The following FTO variants were observed in gnomAD, a reference collection of about 807,000 sequenced individuals.
The protein encoded by FTO is alpha-ketoglutarate-dependent dioxygenase FTO.
Under a neutral mutation model 63.9 loss-of-function variants are expected in FTO, and 47 were observed. That is an observed-to-expected ratio of 0.74 (90% CI 0.58 to 0.94). FTO has a LOEUF of 0.94. Ranked by LOEUF, FTO falls within the 40% of genes least tolerant of loss-of-function variation. FTO has a pLI of 0.00. For missense variants in FTO, 562 were observed against 618.1 expected (o/e 0.91, Z 0.96); for synonymous variants, 207 against 224.4 (o/e 0.92, Z 0.69).
rs147520815 is a variant in FTO at position 53,798,798 on chromosome 16, C to T, written c.46-11342C>T. ...GGCTAGAACCTTCAGTACAATCTGG[C>T]ATAGAGGGGGTGATGGGAAACATCC... On this transcript the variant is annotated intron_variant, in intron 1 of 8. Coordinates refer to ENST00000471389, the MANE Select transcript of FTO (RefSeq NM_001080432.3). Among the ~76,000 whole-genome samples the T allele has an allele frequency of 3.9e-3, 596 of 152,250 alleles. 3 individuals are homozygous for T. Among genetic ancestry groups the T allele is most frequent in the African/African-American group, 0.013 (560 of 41,558 alleles).
intron 7 of FTO, among the ~76,000 whole-genome samples, chr16:53,906,036 C>T (rs2081529231): frequency 6.6e-6 from 1 of 152,204 alleles, no homozygotes; most frequent in Admixed American, 6.5e-5. Context: ...AATTTCTCTG[C>T]ATTAGACTCT....
intron 8 of FTO, among the ~76,000 whole-genome samples, chr16:54,005,512 A>C (rs1457404516): frequency 6.6e-6 from 1 of 151,848 alleles, no homozygotes; most frequent in Non-Finnish European, 1.5e-5. Flanking sequence ...AATACATGTA[A>C]TACATATTAC....
intron 1 of FTO, among the ~76,000 whole-genome samples, chr16:53,777,446 C>T (rs1215564205): frequency 6.6e-6 from 1 of 152,118 alleles, no homozygotes; most frequent in Non-Finnish European, 1.5e-5. Context: ...AGCTTACTTG[C>T]AGTGTGGAAT....
chr16:53,759,931 T>TA (rs2077016049), intron 1 of FTO, among the ~76,000 whole-genome samples: 17 of 152,104 alleles, frequency 1.1e-4, no homozygotes, highest in Non-Finnish European at 7.4e-5. Flanking sequence ...CTTGGGCCAA[T>TA]GCTTCAGATA....
At chr16:53,827,239 T>C (rs1188219815) in intron 3 of FTO, among the ~76,000 whole-genome samples, 1 of 152,176 alleles carries the variant, frequency 6.6e-6, no homozygotes, top group African/African-American at 2.4e-5. Flanking sequence ...CTTCTTCTAT[T>C]ATTGTTTCTG....
At chr16:54,067,535 C>T (rs561829844) in intron 8 of FTO, among the ~76,000 whole-genome samples, 2 of 152,328 alleles carry the variant, frequency 1.3e-5, no homozygotes, top group East Asian at 3.9e-4. Context: ...CAGTGTGTTG[C>T]TATTGCAGTG....
chr16:53,711,634 A>G (rs1454653674), intron 1 of FTO, among the ~76,000 whole-genome samples: 1 of 152,220 alleles, frequency 6.6e-6, no homozygotes, highest in Non-Finnish European at 1.5e-5. Context: ...AAACTGTTTC[A>G]TTAGTCATGG....
chr16:54,010,419 C>T (rs1479407470), intron 8 of FTO, among the ~76,000 whole-genome samples: 4 of 152,044 alleles, frequency 2.6e-5, no homozygotes, highest in African/African-American at 9.7e-5. Context: ...AACCGACCAG[C>T]CAAACAAACA....
chr16:53,858,614 A>G (rs1419837545), intron 4 of FTO, among the ~76,000 whole-genome samples: 1 of 152,114 alleles, frequency 6.6e-6, no homozygotes. Flanking sequence ...TTTTGAAGAG[A>G]ATAGATTCTT....
rs891203614 is a variant in FTO, at chr16:53,844,423, CTTTA to C, written c.895+127_895+130del. On this transcript the variant is annotated intron_variant, in intron 4 of 8. Transcript: ENST00000471389. Reference sequence around the variant, plus strand: ...GTATTTTATATTAAGAGCGAAACTTCTTTATAAGAACATGTAACTAGGTTTTTCT... The same window carrying C: ...GTATTTTATATTAAGAGCGAAACTTCTAAGAACATGTAACTAGGTTTTTCT... 4.1e-5 allele frequency: 32 copies of C among 775,244 alleles called. No individual in the cohort carries two copies. In the Admixed American group the frequency reaches 4.3e-4, roughly 10 times the overall value. 48.0% of individuals were successfully genotyped at this position (775,244 alleles called of 1,614,324 possible).
chr16:53,746,114 C>T (rs1480273186), intron 1 of FTO, among the ~76,000 whole-genome samples: 1 of 152,184 alleles, frequency 6.6e-6, no homozygotes, highest in Non-Finnish European at 1.5e-5. Context: ...TAATCTTCCT[C>T]TGAGCACACT....
At chr16:53,894,279 G>T (rs1164825283) in intron 7 of FTO, among the ~76,000 whole-genome samples, 1 of 152,178 alleles carries the variant, frequency 6.6e-6, no homozygotes, top group Non-Finnish European at 1.5e-5. Flanking sequence ...CCTGCCCATG[G>T]CTGTGTGGAT....
Position 54,014,562 on chromosome 16 carries a change from A to G in FTO, c.1364+80453A>G, listed in dbSNP as rs149997308. 1.4e-3 allele frequency among the ~76,000 whole-genome samples: 217 copies of G among 152,088 alleles called. 1 individual carries two copies. The Middle Eastern group carries it at 0.031, about 21-fold the overall frequency. ...AGCCAAATAAACTTCTTTTTTTATA[A>G]ATTACCCAGCCTCGGGTGTTCCTTC... On this transcript the variant is annotated intron_variant, in intron 8 of 8. Coordinates refer to ENST00000471389, the MANE Select transcript of FTO (RefSeq NM_001080432.3).
chr16:54,107,666 A>T (rs1160637818), intron 8 of FTO, among the ~76,000 whole-genome samples: 1 of 152,166 alleles, frequency 6.6e-6, no homozygotes, highest in African/African-American at 2.4e-5. Flanking sequence ...GACAGCAAGG[A>T]AGCATGGCCG....
intron 2 of FTO, among the ~76,000 whole-genome samples, chr16:53,812,898 C>G (rs1436490831): frequency 6.6e-6 from 1 of 152,050 alleles, no homozygotes; most frequent in African/African-American, 2.4e-5. Context: ...ACAGGTAAAC[C>G]CACAAAAATG....
intron 3 of FTO, among the ~76,000 whole-genome samples, chr16:53,837,887 G>GT (rs1242910837): frequency 6.6e-6 from 1 of 152,190 alleles, no homozygotes; most frequent in Non-Finnish European, 1.5e-5. Flanking sequence ...AGTAGTCTCA[G>GT]TGTAAGTTCT....
chr16:53,832,452 C>T (rs890833925), intron 3 of FTO, among the ~76,000 whole-genome samples: 1 of 151,944 alleles, frequency 6.6e-6, no homozygotes, highest in African/African-American at 2.4e-5. Flanking sequence ...GAGACTGGGT[C>T]TCAATATGTT....
chr16:53,789,015 A>T (rs1168455137), intron 1 of FTO, among the ~76,000 whole-genome samples: 4 of 152,208 alleles, frequency 2.6e-5, no homozygotes, highest in Non-Finnish European at 5.9e-5. Flanking sequence ...ATGCACCTTA[A>T]AATTATTCAT....
At chr16:53,881,503 G>A (rs929465837) in intron 6 of FTO, among the ~76,000 whole-genome samples, 1 of 152,146 alleles carries the variant, frequency 6.6e-6, no homozygotes, top group Non-Finnish European at 1.5e-5. Flanking sequence ...CACAAGACAC[G>A]CAGAAGCACA....
Sources: allele counts gnomAD v4.1 joint callset (sites outside exome capture counted in the v4.1 genomes callset), GRCh38; gene constraint gnomAD v4.1.1; transcripts MANE v1.5; gene names NCBI Gene and HGNC (gene_info 2026-07-23, HGNC 2026-07-21).